The following HLCS variants were observed in gnomAD, a reference collection of about 807,000 sequenced individuals.
The protein encoded by HLCS is holocarboxylase synthetase.
In HLCS, 53 loss-of-function variants were observed where a neutral mutation model predicts 75.0. The ratio of observed to expected loss-of-function variants is 0.71; its 90% CI spans 0.57 to 0.89. The LOEUF (loss-of-function observed/expected upper bound fraction) is 0.89. Ranked by LOEUF, HLCS falls within the 40% of genes least tolerant of loss-of-function variation. The probability of loss-of-function intolerance (pLI) is 0.00; values close to 1 mark genes in which losing one functional copy is unlikely to be tolerated. For missense variants in HLCS, 966 were observed against 1,074.0 expected (o/e 0.90, Z 1.41); for synonymous variants, 431 against 428.6 (o/e 1.01, Z -0.07).
At chr21:36,949,142 G>A (rs958354362) in intron 2 of HLCS, among the ~76,000 whole-genome samples, 3 of 151,370 alleles carry the variant, frequency 2.0e-5, no homozygotes, top group African/African-American at 7.3e-5. Context: ...TATCCCAAGT[G>A]GTTTAGTTAC....
intron 6 of HLCS, among the ~76,000 whole-genome samples, chr21:36,844,560 C>T (rs1827543172): frequency 6.6e-6 from 1 of 152,196 alleles, no homozygotes; most frequent in Non-Finnish European, 1.5e-5. Flanking sequence ...TTAGAATACA[C>T]AGGCCACAGG....
chr21:36,858,847 A>G (rs2063290544), intron 6 of HLCS, among the ~76,000 whole-genome samples: 1 of 152,160 alleles, frequency 6.6e-6, no homozygotes. Flanking sequence ...AAATGACCCA[A>G]ATTTGCAGAG....
chr21:36,850,870 G>C (rs2062976022), intron 6 of HLCS, among the ~76,000 whole-genome samples: 1 of 152,122 alleles, frequency 6.6e-6, no homozygotes, highest in Admixed American at 6.5e-5. Context: ...GGGCCAGTCG[G>C]GGTCTACAAG....
intron 6 of HLCS, among the ~76,000 whole-genome samples, chr21:36,795,425 T>C (rs1350600731): frequency 6.6e-6 from 1 of 151,468 alleles, no homozygotes; most frequent in Admixed American, 6.6e-5. Context: ...GAGTAAATGA[T>C]GACAATATGC....
At chr21:36,956,523 T>C (rs1026743461) in intron 2 of HLCS, among the ~76,000 whole-genome samples, 13 of 151,822 alleles carry the variant, frequency 8.6e-5, no homozygotes, top group Non-Finnish European at 1.2e-4. Context: ...GGTCAGGAGA[T>C]CAAGACCATT....
intron 6 of HLCS, among the ~76,000 whole-genome samples, chr21:36,838,963 T>C (rs1479446526): frequency 1.3e-5 from 2 of 152,206 alleles, no homozygotes; most frequent in Non-Finnish European, 2.9e-5. Context: ...TGTTTTAAGC[T>C]GCCAGTTTGC....
At chr21:36,909,308 T>C (rs2065600809) in intron 5 of HLCS, among the ~76,000 whole-genome samples, 1 of 152,204 alleles carries the variant, frequency 6.6e-6, no homozygotes, top group Admixed American at 6.5e-5. Flanking sequence ...CTAAAATGGG[T>C]GCATTTTCTT....
intron 6 of HLCS, among the ~76,000 whole-genome samples, chr21:36,829,162 T>C (rs937161279): frequency 1.3e-5 from 2 of 152,252 alleles, no homozygotes; most frequent in Admixed American, 1.3e-4. Flanking sequence ...ACGCATCTGT[T>C]GTCAGTTCTA....
chr21:36,899,879 G>A (rs1016727388), intron 5 of HLCS, among the ~76,000 whole-genome samples: 2 of 152,162 alleles, frequency 1.3e-5, no homozygotes, highest in African/African-American at 2.4e-5. Flanking sequence ...TAAGGAAGGC[G>A]GATCACTCGA....
chr21:36,913,553 G>A (rs549191598), intron 5 of HLCS, among the ~76,000 whole-genome samples: 199 of 152,218 alleles, frequency 1.3e-3, no homozygotes, highest in South Asian at 3.3e-3. Flanking sequence ...CTGAGGCCAG[G>A]AGTTTGAGAC....
At chr21:36,801,138 T>C (rs1399963903) in intron 6 of HLCS, among the ~76,000 whole-genome samples, 1 of 152,158 alleles carries the variant, frequency 6.6e-6, no homozygotes, top group Non-Finnish European at 1.5e-5. Flanking sequence ...TGAACATATT[T>C]ATGTAGGAAA....
At chr21:36,952,791 A>T (rs1197366105) in intron 2 of HLCS, among the ~76,000 whole-genome samples, 1 of 145,506 alleles carries the variant, frequency 6.9e-6, no homozygotes, top group Non-Finnish European at 1.5e-5. Flanking sequence ...CTCCGTCTCA[A>T]AAAAAAAAAA....
At chr21:36,808,249 T>C (rs757333250) in intron 6 of HLCS, among the ~76,000 whole-genome samples, 12 of 152,332 alleles carry the variant, frequency 7.9e-5, no homozygotes, top group African/African-American at 2.9e-4. Flanking sequence ...CATTTTCCCA[T>C]GCTCATGTTC....
intron 6 of HLCS, among the ~76,000 whole-genome samples, chr21:36,786,466 A>T (rs2060689681): frequency 6.6e-6 from 1 of 152,200 alleles, no homozygotes; most frequent in Non-Finnish European, 1.5e-5. Context: ...TCTTTATTCC[A>T]GTAAATCAGC....
intron 6 of HLCS, among the ~76,000 whole-genome samples, chr21:36,771,414 C>G (rs1006184871): frequency 2.6e-5 from 4 of 152,078 alleles, no homozygotes; most frequent in Non-Finnish European, 5.9e-5. Flanking sequence ...CTTCCTGACC[C>G]GGGGACTGTA....
upstream of HLCS, among the ~76,000 whole-genome samples, chr21:36,971,356 A>G (rs1396470255): frequency 6.6e-6 from 1 of 152,192 alleles, no homozygotes; most frequent in African/African-American, 2.4e-5. Context: ...CCTTGGAGAA[A>G]TCACTGATTC....
chr21:36,939,499 T>A (rs1202114187), intron 2 of HLCS, among the ~76,000 whole-genome samples: 2 of 152,072 alleles, frequency 1.3e-5, no homozygotes, highest in Non-Finnish European at 1.5e-5. Context: ...CTTTCTGGAG[T>A]TGAAGTCCAG....
intron 6 of HLCS, among the ~76,000 whole-genome samples, chr21:36,805,797 AG>A (rs2145937540): frequency 6.6e-6 from 1 of 152,362 alleles, no homozygotes; most frequent in East Asian, 1.9e-4. Context: ...CCACAGGGAC[AG>A]CATAGAGGCG....
intron 1 of HLCS, among the ~76,000 whole-genome samples, chr21:36,989,662 G>A (rs57382770): frequency 0.26 from 39,501 of 151,582 alleles, 5,271 homozygotes; most frequent in South Asian, 0.35. Flanking sequence ...TTATGTATCA[G>A]TCTTTTTTTT....
Sources: allele counts gnomAD v4.1 joint callset (sites outside exome capture counted in the v4.1 genomes callset), GRCh38; gene constraint gnomAD v4.1.1; transcripts MANE v1.5; gene names NCBI Gene and HGNC (gene_info 2026-07-23, HGNC 2026-07-21).